The following SGCZ variants were observed in gnomAD, a reference collection of about 807,000 sequenced individuals.
SGCZ encodes zeta-sarcoglycan.
A neutral mutation model predicts 41.3 loss-of-function variants in SGCZ; 40 were observed. The ratio of observed to expected loss-of-function variants is 0.97; its 90% CI spans 0.75 to 1.26. SGCZ has a LOEUF of 1.26. SGCZ is among the 50% of genes most tolerant of loss of function. The probability of loss-of-function intolerance (pLI) is 0.00; values close to 1 mark genes in which losing one functional copy is unlikely to be tolerated. For synonymous variants in SGCZ, 206 were observed against 137.5 expected (o/e 1.50, Z -3.49); for missense variants, 552 against 369.8 (o/e 1.49, Z -4.04).
chr8:14,192,733 T>C (rs1169863511), intron 4 of SGCZ, among the ~76,000 whole-genome samples: 3 of 152,058 alleles, frequency 2.0e-5, no homozygotes, highest in Non-Finnish European at 4.4e-5. Context: ...AAGCTATTGT[T>C]AGACATAAAC....
At chr8:14,693,582 C>CTTTTTTT (rs67757752) in intron 1 of SGCZ, among the ~76,000 whole-genome samples, 3 of 61,554 alleles carry the variant, frequency 4.9e-5, no homozygotes, top group Admixed American at 2.3e-4. Flanking sequence ...CCACGACTGG[C>CTTTTTTT]TTTTTTTTTT....
At chr8:14,534,407 C>T (rs1489587241) in intron 2 of SGCZ, among the ~76,000 whole-genome samples, 2 of 152,000 alleles carry the variant, frequency 1.3e-5, no homozygotes, top group Non-Finnish European at 2.9e-5. Flanking sequence ...TGGAAAGTTT[C>T]TAAGTAGAAC....
intron 1 of SGCZ, among the ~76,000 whole-genome samples, chr8:14,761,018 G>A (rs545514986): frequency 1.3e-5 from 2 of 152,222 alleles, no homozygotes; most frequent in South Asian, 4.1e-4. Flanking sequence ...GGATTTCGAA[G>A]ATAAGTTGCA....
intron 3 of SGCZ, among the ~76,000 whole-genome samples, chr8:14,241,784 T>A (rs180691751): frequency 7.9e-4 from 120 of 152,334 alleles, no homozygotes; most frequent in South Asian, 2.7e-3. Flanking sequence ...CTTACAATTC[T>A]GTTACACACA....
chr8:14,509,264 C>G (rs964762398), intron 2 of SGCZ, among the ~76,000 whole-genome samples: 2 of 152,094 alleles, frequency 1.3e-5, no homozygotes, highest in African/African-American at 4.8e-5. Flanking sequence ...TTAATTCAAG[C>G]AAACATGTAG....
rs1810056850 is a variant in SGCZ, at chr8:14,726,342, A to AT, written c.40-171417_40-171416insA. Among the ~76,000 whole-genome samples the AT allele has an allele frequency of 4.4e-4, 64 of 144,528 alleles. 1 individual carries two copies. The highest frequency in any genetic ancestry group is 8.0e-4 in the African/African-American group (32 of 40,192). 94.8% of individuals were successfully genotyped at this position (144,528 alleles called of 152,430 possible). A position where few individuals can be genotyped will look rare whatever the true frequency, so the allele number is the denominator to read the frequency against. On this transcript the variant is annotated intron_variant, in intron 1 of 7. Coordinates refer to ENST00000382080, the MANE Select transcript of SGCZ (RefSeq NM_139167.4). ...TATATATCTATATATATATATATAT[A>AT]AAATTAGATAGGATTTTAAAATTTC...
intron 4 of SGCZ, among the ~76,000 whole-genome samples, chr8:14,201,679 T>A (rs1049953367): frequency 6.6e-6 from 1 of 152,214 alleles, no homozygotes; most frequent in Non-Finnish European, 1.5e-5. Context: ...ATTTGTTTGA[T>A]ACCTCTTGAT....
chr8:14,756,821 A>C (rs143004510), intron 1 of SGCZ, among the ~76,000 whole-genome samples: 1 of 152,334 alleles, frequency 6.6e-6, no homozygotes, highest in African/African-American at 2.4e-5. Flanking sequence ...TTCTGATGTC[A>C]GTGTTATTTA....
At chr8:14,675,530 C>T (rs542696878) in intron 1 of SGCZ, among the ~76,000 whole-genome samples, 85 of 152,146 alleles carry the variant, frequency 5.6e-4, no homozygotes, top group African/African-American at 2.0e-3. Context: ...ATACACTTTA[C>T]CATTGTATAT....
chr8:14,715,345 T>C lies in SGCZ; in HGVS notation c.40-160419A>G, dbSNP rs531778817. Among the ~76,000 whole-genome samples, 3 of 152,116 alleles carry C rather than the reference T, an allele frequency of 2.0e-5. No individual in the cohort carries two copies. The South Asian group carries it at 6.2e-4, about 32-fold the overall frequency. ...CTCTTCATTTAATGCACAGATAAGC[T>C]GATGAAAGGGTAAAACCTACAGGCC... is the stretch of plus-strand genomic sequence containing the variant. On this transcript the variant is annotated intron_variant, in intron 1 of 7. Coordinates refer to ENST00000382080, the MANE Select transcript of SGCZ (RefSeq NM_139167.4).
At chr8:14,148,592 A>T (rs1335120399) in intron 5 of SGCZ, among the ~76,000 whole-genome samples, 1 of 152,152 alleles carries the variant, frequency 6.6e-6, no homozygotes, top group Non-Finnish European at 1.5e-5. Flanking sequence ...TCACTGCTGA[A>T]TCCAACCAAA....
At chr8:14,283,241 G>T (rs147200220) in intron 3 of SGCZ, among the ~76,000 whole-genome samples, 4 of 151,802 alleles carry the variant, frequency 2.6e-5, no homozygotes, top group South Asian at 2.1e-4. Context: ...ATTTCTTTTC[G>T]CCTTTTCCCA....
At chr8:14,381,163 T>A (rs530306632) in intron 2 of SGCZ, among the ~76,000 whole-genome samples, 12 of 152,356 alleles carry the variant, frequency 7.9e-5, no homozygotes, top group African/African-American at 2.9e-4. Flanking sequence ...TTTAGATATA[T>A]GGATGGCTGT....
chr8:15,038,833 A>T (rs1190599790), intron 1 of SGCZ, among the ~76,000 whole-genome samples: 1 of 145,092 alleles, frequency 6.9e-6, no homozygotes, highest in Non-Finnish European at 1.5e-5. Context: ...AAAAAAAAAA[A>T]AAAAAAGAAA....
At chr8:14,352,960 G>T (rs532486250) in intron 2 of SGCZ, among the ~76,000 whole-genome samples, 8 of 152,080 alleles carry the variant, frequency 5.3e-5, no homozygotes, top group African/African-American at 1.4e-4. Context: ...TGAAATATTT[G>T]ATTTCTGTAC....
At chr8:15,041,433 A>C (rs1204152559) in intron 1 of SGCZ, among the ~76,000 whole-genome samples, 4 of 152,076 alleles carry the variant, frequency 2.6e-5, no homozygotes, top group African/African-American at 9.7e-5. Context: ...TGCAATAAAG[A>C]TGAATATTAT....
chr8:14,118,444 G>A (rs1002945897), intron 5 of SGCZ, among the ~76,000 whole-genome samples: 4 of 151,982 alleles, frequency 2.6e-5, no homozygotes, highest in African/African-American at 9.7e-5. Context: ...TAAGTTCTTT[G>A]TAGATTCTGG....
chr8:14,798,308 C>T (rs1014426249), intron 1 of SGCZ, among the ~76,000 whole-genome samples: 1 of 152,120 alleles, frequency 6.6e-6, no homozygotes, highest in East Asian at 1.9e-4. Context: ...AGGCAATAAT[C>T]CTCTCCCCAC....
intron 2 of SGCZ, among the ~76,000 whole-genome samples, chr8:14,397,694 G>T (rs553275301): frequency 6.6e-6 from 1 of 152,084 alleles, no homozygotes; most frequent in African/African-American, 2.4e-5. Flanking sequence ...GATTCAATAT[G>T]AAGGGCAGGT....
Sources: gnomAD v4.1 joint callset for allele counts (sites outside exome capture counted in the v4.1 genomes callset) on GRCh38, gnomAD v4.1.1 for gene constraint, MANE v1.5 for transcripts, NCBI Gene and HGNC (gene_info 2026-07-23, HGNC 2026-07-21) for gene names.